MEIKIN: variants seen among roughly 807,000 people sequenced by gnomAD.
The protein encoded by MEIKIN is meiotic kinetochore factor.
chr5:131,918,188 CAT>C (rs1350236607), intron 6 of MEIKIN, among the ~76,000 whole-genome samples: 1 of 152,160 alleles, frequency 6.6e-6, no homozygotes, highest in Non-Finnish European at 1.5e-5. Flanking sequence ...GCATAACTGA[CAT>C]AGAGGGATCC....
At chr5:131,844,781 C>A (rs1357009623) in intron 11 of MEIKIN, among the ~76,000 whole-genome samples, 3 of 152,086 alleles carry the variant, frequency 2.0e-5, no homozygotes, top group Non-Finnish European at 4.4e-5. Context: ...TTCTTTTCTC[C>A]TTTTAGGAGG....
intron 12 of MEIKIN, among the ~76,000 whole-genome samples, chr5:131,816,492 C>A (rs1308855501): frequency 6.6e-6 from 1 of 152,172 alleles, no homozygotes; most frequent in African/African-American, 2.4e-5. Flanking sequence ...ATCATTGGCT[C>A]CTGCCCAAGA....
At chr5:131,871,563 C>G (rs1381643714) in intron 9 of MEIKIN, among the ~76,000 whole-genome samples, 1 of 152,232 alleles carries the variant, frequency 6.6e-6, no homozygotes, top group East Asian at 1.9e-4. Context: ...TAGGCTCCAC[C>G]TCTGGGGACA....
intron 11 of MEIKIN, among the ~76,000 whole-genome samples, chr5:131,819,765 A>ATTTTTTTTTTTTTT (rs1167213249): frequency 4.6e-5 from 3 of 64,574 alleles, no homozygotes; most frequent in African/African-American, 2.3e-4. Flanking sequence ...ACATCCAGCT[A>ATTTTTTTTTTTTTT]TTTTTTTTTT....
At chr5:131,888,997 G>C (rs964578483) in intron 8 of MEIKIN, among the ~76,000 whole-genome samples, 1 of 152,162 alleles carries the variant, frequency 6.6e-6, no homozygotes, top group Non-Finnish European at 1.5e-5. Context: ...TTTATGTCAG[G>C]TTTGTCAAAC....
intron 8 of MEIKIN, among the ~76,000 whole-genome samples, chr5:131,904,455 C>T (rs1162766351): frequency 6.6e-6 from 1 of 152,116 alleles, no homozygotes; most frequent in Non-Finnish European, 1.5e-5. Flanking sequence ...GAAATCATAC[C>T]AACCACTCTC....
intron 12 of MEIKIN, among the ~76,000 whole-genome samples, chr5:131,818,445 G>A (rs956791221): frequency 6.6e-6 from 1 of 151,998 alleles, no homozygotes; most frequent in Non-Finnish European, 1.5e-5. Context: ...TGAAGAGACA[G>A]GGTCTCTCTC....
At chr5:131,938,165 CTTT>C (rs3043872) in intron 4 of MEIKIN, among the ~76,000 whole-genome samples, 35 of 126,618 alleles carry the variant, frequency 2.8e-4, no homozygotes, top group South Asian at 7.5e-4. Flanking sequence ...CCCTCACCCC[CTTT>C]TTTTTTTTTT....
chr5:131,862,240 T>C (rs970090167), intron 9 of MEIKIN, among the ~76,000 whole-genome samples: 2 of 152,148 alleles, frequency 1.3e-5, no homozygotes, highest in African/African-American at 2.4e-5. Flanking sequence ...TATATAGTTA[T>C]TCATAAAAGT....
chr5:131,828,628 A>G (rs1372656641), intron 11 of MEIKIN, among the ~76,000 whole-genome samples: 2 of 152,218 alleles, frequency 1.3e-5, no homozygotes, highest in East Asian at 3.8e-4. Flanking sequence ...TTATCAATAA[A>G]ATGATTTTTA....
intron 12 of MEIKIN, among the ~76,000 whole-genome samples, chr5:131,817,974 C>A (rs890406979): frequency 4.6e-5 from 7 of 151,940 alleles, no homozygotes; most frequent in African/African-American, 1.5e-4. Context: ...ACTCAAAAAA[C>A]CAAAGAAAAA....
chr5:131,820,640 G>T lies in MEIKIN; in HGVS notation c.976-1777C>A, dbSNP rs533035137. On this transcript the variant is annotated intron_variant, in intron 11 of 12. Transcript: ENST00000442687. ...ATGTTTGGTAGAATTCAGTAGCAAA[G>T]CCATGAGGTCCTGCGCTTTTCTTTA... is the stretch of plus-strand genomic sequence containing the variant. 2.0e-4 allele frequency among the ~76,000 whole-genome samples: 30 copies of T among 152,320 alleles called. No homozygotes were observed. The South Asian group carries it at 6.2e-3, about 32-fold the overall frequency.
chr5:131,815,334 G>A (rs567156212), intron 12 of MEIKIN, among the ~76,000 whole-genome samples: 1 of 152,224 alleles, frequency 6.6e-6, no homozygotes, highest in African/African-American at 2.4e-5. Flanking sequence ...TTCTCCAGAG[G>A]GCTATATATA....
intron 8 of MEIKIN, among the ~76,000 whole-genome samples, chr5:131,910,207 G>A (rs1313870747): frequency 6.6e-6 from 1 of 152,104 alleles, no homozygotes; most frequent in Non-Finnish European, 1.5e-5. Flanking sequence ...AGAAAATGTG[G>A]TACATAAACA....
intron 8 of MEIKIN, among the ~76,000 whole-genome samples, chr5:131,903,321 A>T (rs571104047): frequency 6.6e-6 from 1 of 152,288 alleles, no homozygotes; most frequent in African/African-American, 2.4e-5. Context: ...ATACTACATA[A>T]GAAGACCAGT....
At chr5:131,886,999 C>G (rs568038222) in intron 8 of MEIKIN, among the ~76,000 whole-genome samples, 142 of 134,788 alleles carry the variant, frequency 1.1e-3, no homozygotes, top group African/African-American at 3.7e-3. Context: ...CATCCCCTGA[C>G]AAGCCCCAGT....
chr5:131,887,047 G>A (rs1750810802), intron 8 of MEIKIN, among the ~76,000 whole-genome samples: 1 of 146,020 alleles, frequency 6.8e-6, no homozygotes, highest in Non-Finnish European at 1.5e-5. Flanking sequence ...TGTTCTCATT[G>A]TTCAATTCCC....
At chr5:131,814,200 C>G (rs1045878191) in intron 12 of MEIKIN, among the ~76,000 whole-genome samples, 2 of 151,956 alleles carry the variant, frequency 1.3e-5, no homozygotes, top group African/African-American at 4.8e-5. Flanking sequence ...TACTTTGCAT[C>G]CTTTAATTCA....
intron 10 of MEIKIN, among the ~76,000 whole-genome samples, chr5:131,852,620 A>G (rs1414304617): frequency 9.9e-5 from 15 of 152,242 alleles, no homozygotes; most frequent in Non-Finnish European, 1.5e-5. Context: ...GAGCAAACCT[A>G]TAGAGACAGA....
Sources: gnomAD v4.1 joint callset for allele counts (sites outside exome capture counted in the v4.1 genomes callset) on GRCh38, gnomAD v4.1.1 for gene constraint, MANE v1.5 for transcripts, NCBI Gene and HGNC (gene_info 2026-07-23, HGNC 2026-07-21) for gene names.